The following IPCEF1 variants were observed in gnomAD, a reference collection of about 807,000 sequenced individuals.
IPCEF1 encodes interactor protein for cytohesin exchange factors 1.
IPCEF1 carries 31 observed loss-of-function variants against 50.9 expected under a neutral mutation model. The ratio of observed to expected loss-of-function variants is 0.61; its 90% CI spans 0.46 to 0.82. The LOEUF (loss-of-function observed/expected upper bound fraction) is 0.82, where lower values mean the gene tolerates loss of function less well. Ranked by LOEUF, IPCEF1 falls within the 40% of genes least tolerant of loss-of-function variation. IPCEF1 has a pLI of 0.00. For synonymous variants in IPCEF1, 181 were observed against 192.0 expected (o/e 0.94, Z 0.47); for missense variants, 458 against 514.0 (o/e 0.89, Z 1.05).
chr6:154,239,236 C>G (rs76896519), intron 5 of IPCEF1, among the ~76,000 whole-genome samples: 1,947 of 152,230 alleles, frequency 0.013, 47 homozygotes, highest in African/African-American at 0.044. Context: ...CACATTACAA[C>G]AAGAAGTTAT....
At chr6:154,251,302 T>G (rs750570826) in intron 3 of IPCEF1, among the ~76,000 whole-genome samples, 8 of 152,104 alleles carry the variant, frequency 5.3e-5, no homozygotes, top group Non-Finnish European at 1.2e-4. Flanking sequence ...CCTATGTCAG[T>G]GATTTGGGAG....
At chr6:154,356,370 T>A (rs540103920) in intron 1 of IPCEF1, among the ~76,000 whole-genome samples, 1 of 152,292 alleles carries the variant, frequency 6.6e-6, no homozygotes, top group South Asian at 2.1e-4. Context: ...CATGCTGAAT[T>A]GTGCTTTTCT....
At chr6:154,222,025 G>T (rs1778906313) in intron 6 of IPCEF1, among the ~76,000 whole-genome samples, 1 of 152,102 alleles carries the variant, frequency 6.6e-6, no homozygotes, top group South Asian at 2.1e-4. Flanking sequence ...TTCAAGCAAG[G>T]TATTTCTTCA....
At chr6:154,224,691 A>G (rs1779118619) in intron 5 of IPCEF1, among the ~76,000 whole-genome samples, 1 of 152,174 alleles carries the variant, frequency 6.6e-6, no homozygotes, top group Non-Finnish European at 1.5e-5. Context: ...AGTCTGGACA[A>G]CAGAGTGGGA....
At position 154,157,011 on chromosome 6, in the gene IPCEF1, A is replaced by G. The variant is rs919013151; in HGVS notation, c.*2817T>C. On this transcript the variant is annotated 3_prime_UTR_variant, in exon 12 of 12. Coordinates refer to ENST00000367220, the MANE Select transcript of IPCEF1 (RefSeq NM_001130700.2). The stretch of plus-strand genomic sequence containing the variant: ...CTCTCTCATTCCACAGCTCACAGAC[A>G]CTGCAGGACTGGGTATAGGAATTGG... 3.3e-5 allele frequency: 5 copies of G among 152,216 alleles called. No individual in the cohort carries two copies. Among genetic ancestry groups the G allele is most frequent in the African/African-American group, 1.2e-4 (5 of 41,446 alleles). The allele number at this position is 152,216 out of a possible 1,614,324, so 9.4% of individuals were successfully genotyped here.
intron 10 of IPCEF1, among the ~76,000 whole-genome samples, chr6:154,170,832 A>G (rs1330765267): frequency 6.6e-6 from 1 of 152,202 alleles, no homozygotes; most frequent in Non-Finnish European, 1.5e-5. Flanking sequence ...ACCCTCATAC[A>G]TTGTTAGTGG....
intron 9 of IPCEF1, among the ~76,000 whole-genome samples, chr6:154,205,921 A>T (rs967982647): frequency 2.6e-4 from 40 of 152,164 alleles, no homozygotes; most frequent in African/African-American, 8.9e-4. Flanking sequence ...AAACTCACCC[A>T]GATCCCCTTT....
intron 2 of IPCEF1, among the ~76,000 whole-genome samples, chr6:154,272,688 A>G (rs1781928294): frequency 6.6e-6 from 1 of 152,224 alleles, no homozygotes; most frequent in South Asian, 2.1e-4. Flanking sequence ...TTTTGTTTTA[A>G]TCACAAATTG....
intron 1 of IPCEF1, among the ~76,000 whole-genome samples, chr6:154,347,933 G>A (rs754573423): frequency 3.9e-5 from 6 of 152,084 alleles, no homozygotes; most frequent in East Asian, 1.9e-4. Flanking sequence ...TGCAATGCCC[G>A]GTGGAAATTA....
chr6:154,183,343 T>C (rs913628780), intron 10 of IPCEF1, among the ~76,000 whole-genome samples: 2 of 152,238 alleles, frequency 1.3e-5, no homozygotes, highest in Admixed American at 1.3e-4. Context: ...TACTGCAATC[T>C]ATGTACTTGC....
intron 5 of IPCEF1, among the ~76,000 whole-genome samples, chr6:154,242,518 C>T (rs892013045): frequency 6.6e-6 from 1 of 152,016 alleles, no homozygotes; most frequent in South Asian, 2.1e-4. Context: ...TGATCTTCTC[C>T]TACAGAAATG....
At chr6:154,182,820 GA>G (rs745838360) in intron 10 of IPCEF1, among the ~76,000 whole-genome samples, 4 of 152,064 alleles carry the variant, frequency 2.6e-5, no homozygotes, top group Non-Finnish European at 5.9e-5. Context: ...GGGGACAAGT[GA>G]ATACAAAAGG....
At chr6:154,234,220 C>A (rs149160386) in intron 5 of IPCEF1, among the ~76,000 whole-genome samples, 1 of 152,084 alleles carries the variant, frequency 6.6e-6, no homozygotes, top group Non-Finnish European at 1.5e-5. Flanking sequence ...CATAAATAAA[C>A]AAATCAATAT....
intron 1 of IPCEF1, among the ~76,000 whole-genome samples, chr6:154,354,251 T>C (rs888775388): frequency 6.6e-6 from 1 of 152,114 alleles, no homozygotes; most frequent in Non-Finnish European, 1.5e-5. Flanking sequence ...GACCTTCCCA[T>C]GATTACCTCC....
intron 5 of IPCEF1, among the ~76,000 whole-genome samples, chr6:154,238,084 G>C (rs2128633226): frequency 6.6e-6 from 1 of 152,200 alleles, no homozygotes; most frequent in Admixed American, 6.5e-5. Flanking sequence ...TGATGTTGTG[G>C]ATATACATGT....
chr6:154,246,825 T>C (rs1315402547), intron 4 of IPCEF1, 65 bp from the exon 5 acceptor site: 9 of 1,491,928 alleles, frequency 6.0e-6, no homozygotes, highest in Non-Finnish European at 7.2e-6. Context: ...AGTATTATCC[T>C]GATTTATGTG....
chr6:154,308,864 T>C (rs1783003985), intron 1 of IPCEF1, among the ~76,000 whole-genome samples: 1 of 152,232 alleles, frequency 6.6e-6, no homozygotes, highest in Admixed American at 6.5e-5. Flanking sequence ...TACAGGATAA[T>C]ACTATTTTTC....
intron 3 of IPCEF1, among the ~76,000 whole-genome samples, chr6:154,255,457 T>C (rs913288646): frequency 3.9e-5 from 6 of 152,258 alleles, no homozygotes; most frequent in Admixed American, 2.0e-4. Context: ...TCTTAAGGCA[T>C]TCTCATCATC....
chr6:154,259,998 C>A (rs1322016633), intron 3 of IPCEF1, among the ~76,000 whole-genome samples: 3 of 152,210 alleles, frequency 2.0e-5, no homozygotes, highest in Non-Finnish European at 2.9e-5. Flanking sequence ...CTGCAGTTCA[C>A]ACGACGAGCA....
Sources: gnomAD v4.1 joint callset for allele counts (sites outside exome capture counted in the v4.1 genomes callset) on GRCh38, gnomAD v4.1.1 for gene constraint, MANE v1.5 for transcripts, NCBI Gene and HGNC (gene_info 2026-07-23, HGNC 2026-07-21) for gene names.